WWOX: variants seen among roughly 807,000 people sequenced by gnomAD.
WWOX encodes the protein WW domain-containing oxidoreductase.
Under a neutral mutation model 46.2 loss-of-function variants are expected in WWOX, and 69 were observed. The observed-to-expected ratio is 1.49, with a 90% confidence interval of 1.23 to 1.82. The LOEUF is 1.82. WWOX is among the 40% of genes most tolerant of loss of function. WWOX has a pLI of 0.00. For missense variants in WWOX, 919 were observed against 542.6 expected (o/e 1.69, Z -6.89); for synonymous variants, 359 against 202.6 (o/e 1.77, Z -6.56).
chr16:78,891,242 T>G (rs891498370), intron 8 of WWOX: 1 of 152,188 alleles, frequency 6.6e-6, no homozygotes, highest in Non-Finnish European at 1.5e-5. Context: ...AATATGTAAT[T>G]TCAGGTTTAG....
intron 8 of WWOX, among the ~76,000 whole-genome samples, chr16:78,594,414 G>A (rs1225344204): frequency 1.7e-5 from 2 of 117,332 alleles, no homozygotes; most frequent in African/African-American, 6.7e-5. Flanking sequence ...TCTTGACGAA[G>A]AAGACTGAGG....
intron 8 of WWOX, among the ~76,000 whole-genome samples, chr16:78,703,762 C>G (rs2048275572): frequency 6.6e-6 from 1 of 151,992 alleles, no homozygotes; most frequent in Non-Finnish European, 1.5e-5. Flanking sequence ...CCAACTACCT[C>G]ACTGATTTTG....
At chr16:78,707,203 C>T (rs1274478297) in intron 8 of WWOX, among the ~76,000 whole-genome samples, 2 of 152,192 alleles carry the variant, frequency 1.3e-5, no homozygotes, top group Non-Finnish European at 2.9e-5. Flanking sequence ...CCACCCCTTA[C>T]TCCCATCAGA....
intron 8 of WWOX, among the ~76,000 whole-genome samples, chr16:78,937,417 A>G (rs980164717): frequency 1.4e-5 from 2 of 143,550 alleles, no homozygotes; most frequent in African/African-American, 2.6e-5. Flanking sequence ...GGTGCTAAAC[A>G]TACCTTTAGA....
At chr16:78,653,351 A>C (rs1597397742) in intron 8 of WWOX, among the ~76,000 whole-genome samples, 1 of 152,198 alleles carries the variant, frequency 6.6e-6, no homozygotes, top group East Asian at 1.9e-4. Flanking sequence ...TTTTTGCCTT[A>C]CACTTTTTGT....
At position 78,803,561 on chromosome 16, in the gene WWOX, C is replaced by G. The variant is rs916137411; in HGVS notation, c.1056+370809C>G. Among the ~76,000 whole-genome samples, 4 of 152,124 alleles carry G rather than the reference C, an allele frequency of 2.6e-5. No homozygotes were observed. In the East Asian group the frequency reaches 5.8e-4, roughly 22 times the overall value. On this transcript the variant is annotated intron_variant, in intron 8 of 8. Coordinates refer to ENST00000566780, the MANE Select transcript of WWOX (RefSeq NM_016373.4). ...TTGTGGGCTCAAGCAGTCGTCCTGC[C>G]TCAGCCTCCCAAGTAGCTTAGAACC... is the stretch of plus-strand genomic sequence containing the variant.
At chr16:78,627,387 C>T (rs896365833) in intron 8 of WWOX, among the ~76,000 whole-genome samples, 1 of 152,164 alleles carries the variant, frequency 6.6e-6, no homozygotes, top group African/African-American at 2.4e-5. Context: ...TTGGGCGATT[C>T]AGTTTTACCT....
intron 8 of WWOX, among the ~76,000 whole-genome samples, chr16:79,033,266 C>T (rs962405900): frequency 1.4e-5 from 2 of 146,684 alleles, no homozygotes; most frequent in African/African-American, 5.0e-5. Context: ...TTTGTTATTG[C>T]CCCCACCAAA....
intron 8 of WWOX, among the ~76,000 whole-genome samples, chr16:78,790,739 G>A (rs566422811): frequency 6.6e-6 from 1 of 152,242 alleles, no homozygotes; most frequent in African/African-American, 2.4e-5. Flanking sequence ...CTCACTGTTG[G>A]CTGGGCACAG....
intron 8 of WWOX, among the ~76,000 whole-genome samples, chr16:78,631,271 C>G (rs952749327): frequency 1.3e-5 from 2 of 152,198 alleles, no homozygotes; most frequent in South Asian, 2.1e-4. Context: ...CCCTTCCTCA[C>G]CCAAGATTCT....
intron 8 of WWOX, among the ~76,000 whole-genome samples, chr16:79,112,309 GT>G (rs569719380): frequency 1.4e-3 from 206 of 152,318 alleles, no homozygotes; most frequent in African/African-American, 4.8e-3. Flanking sequence ...GCACTCAGAT[GT>G]CAAGTCACCA....
chr16:78,760,183 G>A (rs910807698), intron 8 of WWOX, among the ~76,000 whole-genome samples: 4 of 152,178 alleles, frequency 2.6e-5, no homozygotes, highest in Admixed American at 2.0e-4. Flanking sequence ...GCAGACGAGA[G>A]AGAGTGACAG....
At chr16:78,553,716 GGGA>G (rs1038459240) in intron 8 of WWOX, among the ~76,000 whole-genome samples, 1 of 152,088 alleles carries the variant, frequency 6.6e-6, no homozygotes, top group Non-Finnish European at 1.5e-5. Context: ...AGGTCTGTGA[GGGA>G]GGAGGCCTGG....
At chr16:78,334,724 C>G (rs2080839705) in intron 5 of WWOX, among the ~76,000 whole-genome samples, 1 of 151,344 alleles carries the variant, frequency 6.6e-6, no homozygotes, top group African/African-American at 2.4e-5. Context: ...AAACAAAATG[C>G]TAACCCATAT....
intron 5 of WWOX, among the ~76,000 whole-genome samples, chr16:78,188,293 T>G: frequency 6.6e-6 from 1 of 151,904 alleles, no homozygotes; most frequent in East Asian, 1.9e-4. Flanking sequence ...ATCGAGACCA[T>G]CCTGGCTAAC....
chr16:79,210,547 C>T (rs1215101679), intron 8 of WWOX, among the ~76,000 whole-genome samples: 1 of 152,166 alleles, frequency 6.6e-6, no homozygotes, highest in Non-Finnish European at 1.5e-5. Context: ...GTTACCTTTT[C>T]CGGTCCTCTC....
In WWOX at chr16:79,031,879, CAGATATCTGTATACAGATATCTATATAT is replaced by C. The variant is rs1489649958; in HGVS notation, c.1057-179727_1057-179700del. 5.1e-4 allele frequency among the ~76,000 whole-genome samples: 25 copies of C among 49,024 alleles called. No individual in the cohort carries two copies. The South Asian group carries it at 0.023, about 46-fold the overall frequency. 32.2% of individuals were successfully genotyped at this position (49,024 alleles called of 152,430 possible). A position where few individuals can be genotyped will look rare whatever the true frequency, so the allele number is the denominator to read the frequency against. ...ATATATATAGATAGATATCTATATA[CAGATATCTGTATACAGATATCTATATAT>C]ATAGATATCTATATATATAGATATC... On this transcript the variant is annotated intron_variant, in intron 8 of 8. Coordinates refer to ENST00000566780, the MANE Select transcript of WWOX (RefSeq NM_016373.4).
chr16:78,647,157 A>G (rs2046863342), intron 8 of WWOX, among the ~76,000 whole-genome samples: 1 of 152,170 alleles, frequency 6.6e-6, no homozygotes, highest in African/African-American at 2.4e-5. Flanking sequence ...AGCTGGGGAC[A>G]TCCTTGAATC....
chr16:78,192,952 A>G (rs1204887296), intron 5 of WWOX, among the ~76,000 whole-genome samples: 1 of 152,226 alleles, frequency 6.6e-6, no homozygotes, highest in Non-Finnish European at 1.5e-5. Context: ...AAGGCTTGCA[A>G]AAATAAATGT....
Sources: gnomAD v4.1 joint callset for allele counts (sites outside exome capture counted in the v4.1 genomes callset) on GRCh38, gnomAD v4.1.1 for gene constraint, MANE v1.5 for transcripts, NCBI Gene and HGNC (gene_info 2026-07-23, HGNC 2026-07-21) for gene names.